FOXP2: variants seen among roughly 807,000 people sequenced by gnomAD.
The protein encoded by FOXP2 is forkhead box P2, also known as forkhead box protein P2.
FOXP2 carries 12 observed loss-of-function variants against 115.8 expected under a neutral mutation model. The observed-to-expected ratio is 0.10, with a 90% CI of 0.07 to 0.17. FOXP2 has a LOEUF of 0.17. FOXP2 is among the 10% of genes least tolerant of loss of function. FOXP2 has a pLI of 1.00. For synonymous variants in FOXP2, 328 were observed against 297.7 expected, an observed-to-expected ratio of 1.10 and a Z score of -1.05; for missense variants, 629 against 843.5, an observed-to-expected ratio of 0.75 and a Z score of 3.15.
rs869055954 is a variant in FOXP2 at position 114,642,779 on chromosome 7, AATATATATAT to A, written c.989+181_989+190del. ...AGATTATTTATCTTATTTTATATATAATATATATATATATATATATATATATATATATATT... is the reference window on the plus strand; with the variant it reads ...AGATTATTTATCTTATTTTATATATAATATATATATATATATATATATATT... On this transcript the variant is annotated intron_variant, in intron 7 of 16. Coordinates refer to ENST00000350908, the MANE Select transcript of FOXP2 (RefSeq NM_014491.4). Among the ~76,000 whole-genome samples the A allele has an allele frequency of 6.6e-3, 601 of 91,166 alleles. 18 individuals are homozygous for A. The highest frequency in any genetic ancestry group is 0.027 in the African/African-American group (556 of 20,608). The allele number at this position is 91,166 out of a possible 152,430, so 59.8% of individuals were successfully genotyped here.
chr7:114,103,122 G>A (rs1791029617), intron 1 of FOXP2, among the ~76,000 whole-genome samples: 1 of 152,054 alleles, frequency 6.6e-6, no homozygotes, highest in Non-Finnish European at 1.5e-5. Flanking sequence ...AATGTCTCCA[G>A]ACAGGTAACA....
At chr7:114,201,036 A>T (rs546709531) in intron 1 of FOXP2, among the ~76,000 whole-genome samples, 1 of 152,224 alleles carries the variant, frequency 6.6e-6, no homozygotes, top group East Asian at 1.9e-4. Context: ...CACACCTGTA[A>T]TCCCAGCTAT....
chr7:114,185,236 TC>T, intron 1 of FOXP2, among the ~76,000 whole-genome samples: 1 of 152,072 alleles, frequency 6.6e-6, no homozygotes, highest in African/African-American at 2.4e-5. Context: ...GTTTTTTGGC[TC>T]CTTCAGATCT....
At chr7:114,465,014 C>T (rs1369836802) in intron 2 of FOXP2, among the ~76,000 whole-genome samples, 2 of 152,182 alleles carry the variant, frequency 1.3e-5, no homozygotes, top group African/African-American at 4.8e-5. Flanking sequence ...CCTTTTCCAT[C>T]TATTTCACAT....
At chr7:114,517,029 A>T (rs546294922) in intron 2 of FOXP2, among the ~76,000 whole-genome samples, 7 of 150,672 alleles carry the variant, frequency 4.6e-5, no homozygotes, top group Middle Eastern at 3.4e-3. Flanking sequence ...TTTTTTTTTT[A>T]AATAATATCC....
At chr7:114,176,303 TC>T (rs1793304885) in intron 1 of FOXP2, among the ~76,000 whole-genome samples, 1 of 144,952 alleles carries the variant, frequency 6.9e-6, no homozygotes, top group African/African-American at 2.6e-5. Flanking sequence ...TTTCTTTCTC[TC>T]TCTCTCTCTC....
At chr7:114,524,607 A>G (rs1045155185) in intron 2 of FOXP2, among the ~76,000 whole-genome samples, 4 of 152,156 alleles carry the variant, frequency 2.6e-5, no homozygotes, top group Admixed American at 6.6e-5. Flanking sequence ...CAGTTTATAC[A>G]TCTGTGATAA....
chr7:114,255,299 C>G (rs1001206676), intron 1 of FOXP2, among the ~76,000 whole-genome samples: 1 of 152,138 alleles, frequency 6.6e-6, no homozygotes, highest in African/African-American at 2.4e-5. Context: ...GCTGGGAGAA[C>G]CACTACTCTT....
At chr7:114,092,631 G>A (rs1799565832) in intron 1 of FOXP2, among the ~76,000 whole-genome samples, 1 of 151,910 alleles carries the variant, frequency 6.6e-6, no homozygotes, top group Non-Finnish European at 1.5e-5. Flanking sequence ...CAGATAGTGA[G>A]GAAAAACTTA....
intron 9 of FOXP2, among the ~76,000 whole-genome samples, chr7:114,652,691 A>G (rs1050763423): frequency 6.6e-6 from 1 of 152,114 alleles, no homozygotes; most frequent in Non-Finnish European, 1.5e-5. Context: ...AGTCTTTACA[A>G]TATCATGCCT....
intron 3 of FOXP2, among the ~76,000 whole-genome samples, chr7:114,624,274 T>C (rs1316087993): frequency 6.6e-6 from 1 of 151,898 alleles, no homozygotes; most frequent in Non-Finnish European, 1.5e-5. Context: ...AAGTAGTTAA[T>C]TGTCATAGTT....
chr7:114,161,617 A>G (rs1792834250), upstream of FOXP2, among the ~76,000 whole-genome samples: 2 of 151,460 alleles, frequency 1.3e-5, no homozygotes, highest in Admixed American at 1.3e-4. Flanking sequence ...TATCATGCAC[A>G]TTTGCCCTAA....
At chr7:114,433,972 C>T (rs1176589178) in intron 2 of FOXP2, among the ~76,000 whole-genome samples, 1 of 151,750 alleles carries the variant, frequency 6.6e-6, no homozygotes, top group South Asian at 2.1e-4. Context: ...AAGTAATAGG[C>T]ATGATATGGC....
intron 1 of FOXP2, among the ~76,000 whole-genome samples, chr7:114,245,935 A>G (rs1308933655): frequency 1.3e-5 from 2 of 152,178 alleles, no homozygotes; most frequent in Non-Finnish European, 2.9e-5. Context: ...AAAATTAGTC[A>G]AGAACAAATA....
At chr7:114,235,286 A>G (rs144065754) in intron 1 of FOXP2, among the ~76,000 whole-genome samples, 180 of 152,256 alleles carry the variant, frequency 1.2e-3, no homozygotes, top group African/African-American at 4.2e-3. Context: ...ATATCTGTGC[A>G]TATAGTTGTG....
intron 2 of FOXP2, among the ~76,000 whole-genome samples, chr7:114,307,651 C>A (rs1218743816): frequency 6.6e-6 from 1 of 152,156 alleles, no homozygotes. Flanking sequence ...TGAATAGCTG[C>A]AGCTATGATT....
chr7:114,597,360 A>G (rs949225373), intron 3 of FOXP2, among the ~76,000 whole-genome samples: 37 of 152,168 alleles, frequency 2.4e-4, no homozygotes, highest in Non-Finnish European at 4.7e-4. Context: ...GAAAGTATTT[A>G]AAAATCTCTT....
intron 2 of FOXP2, among the ~76,000 whole-genome samples, chr7:114,345,381 G>A (rs1791322240): frequency 6.6e-6 from 1 of 151,744 alleles, no homozygotes; most frequent in South Asian, 2.1e-4. Context: ...TAGGTCTGAA[G>A]TTATTTACTG....
intron 16 of FOXP2, among the ~76,000 whole-genome samples, chr7:114,670,977 T>C (rs1479050529): frequency 6.6e-6 from 1 of 152,126 alleles, no homozygotes; most frequent in Non-Finnish European, 1.5e-5. Flanking sequence ...AAGCTTTTTT[T>C]TTGCCTCACA....
Sources: allele counts gnomAD v4.1 joint callset (sites outside exome capture counted in the v4.1 genomes callset), GRCh38; gene constraint gnomAD v4.1.1; transcripts MANE v1.5; gene names NCBI Gene and HGNC (gene_info 2026-07-23, HGNC 2026-07-21).